ASAP1: variants seen among roughly 807,000 people sequenced by gnomAD.
The protein encoded by ASAP1 is arf-GAP with SH3 domain, ANK repeat and PH domain-containing protein 1.
In ASAP1, 43 loss-of-function variants were observed where a neutral mutation model predicts 145.2. The observed-to-expected ratio is 0.30, with a 90% CI of 0.23 to 0.38. ASAP1 has a LOEUF of 0.38. ASAP1 is among the 10% of genes least tolerant of loss of function. ASAP1 has a pLI of 1.00. For synonymous variants in ASAP1, 546 were observed against 515.5 expected (o/e 1.06, Z -0.80); for missense variants, 1,018 against 1,355.3 (o/e 0.75, Z 3.91).
At chr8:130,266,403 G>T (rs1450235533) in intron 3 of ASAP1, among the ~76,000 whole-genome samples, 3 of 152,068 alleles carry the variant, frequency 2.0e-5, no homozygotes, top group Admixed American at 6.5e-5. Context: ...TTGTAGGGGG[G>T]AGGGTTCTGT....
chr8:130,060,544 AG>A, intron 28 of ASAP1, 34 bp downstream of exon 28: 1 of 1,560,542 alleles, frequency 6.4e-7, no homozygotes, highest in African/African-American at 1.4e-5. Flanking sequence ...AGTGCGGAAT[AG>A]GGTTCCTAAG....
At chr8:130,193,144 G>A (rs1262385010) in intron 5 of ASAP1, among the ~76,000 whole-genome samples, 8 of 152,212 alleles carry the variant, frequency 5.3e-5, no homozygotes, top group Non-Finnish European at 8.8e-5. Flanking sequence ...CGAGGCGGGC[G>A]AATCACTTGA....
At chr8:130,089,937 T>C (rs1454780211) in intron 25 of ASAP1, among the ~76,000 whole-genome samples, 1 of 152,260 alleles carries the variant, frequency 6.6e-6, no homozygotes, top group Non-Finnish European at 1.5e-5. Context: ...GGACAGATGA[T>C]GATTTTTGTC....
chr8:130,392,672 G>C (rs1462917966), intron 2 of ASAP1, among the ~76,000 whole-genome samples: 3 of 152,106 alleles, frequency 2.0e-5, no homozygotes, highest in Non-Finnish European at 4.4e-5. Flanking sequence ...AGGTTTATTT[G>C]GCTCTTGGTT....
intron 2 of ASAP1, among the ~76,000 whole-genome samples, chr8:130,385,314 A>C (rs912657514): frequency 1.3e-5 from 2 of 152,188 alleles, no homozygotes; most frequent in Admixed American, 1.3e-4. Context: ...AAAATAAATA[A>C]ATAAATAAAA....
chr8:130,440,504 C>CA (rs1306930658), intron 1 of ASAP1, among the ~76,000 whole-genome samples: 3,820 of 111,582 alleles, frequency 0.034, 156 homozygotes, highest in African/African-American at 0.11. Flanking sequence ...TAGACTCTGT[C>CA]AAAAAAAAAA....
At chr8:130,135,922 C>G (rs1270015033) in intron 14 of ASAP1, among the ~76,000 whole-genome samples, 1 of 152,152 alleles carries the variant, frequency 6.6e-6, no homozygotes, top group Admixed American at 6.5e-5. Flanking sequence ...CCCTAAAGAG[C>G]CTCATGACTG....
intron 9 of ASAP1, among the ~76,000 whole-genome samples, chr8:130,172,391 T>C (rs1050845208): frequency 2.0e-5 from 3 of 152,168 alleles, no homozygotes; most frequent in Non-Finnish European, 4.4e-5. Context: ...AACTTATCCA[T>C]GTAACCAAAA....
At chr8:130,214,488 T>A in intron 5 of ASAP1, 68 bp downstream of exon 5, 2 of 1,385,950 alleles carry the variant, frequency 1.4e-6, no homozygotes, top group Non-Finnish European at 1.9e-6. Context: ...ATTATTGAAA[T>A]GTTCTCTATA....
intron 1 of ASAP1, chr8:130,427,700 T>C (rs1448950940): frequency 6.6e-6 from 1 of 152,222 alleles, no homozygotes; most frequent in African/African-American, 2.4e-5. Context: ...CTCTCTGTCA[T>C]ACCACACTAT....
chr8:130,231,841 C>A (rs1817925213), intron 4 of ASAP1, among the ~76,000 whole-genome samples: 1 of 152,214 alleles, frequency 6.6e-6, no homozygotes, highest in Non-Finnish European at 1.5e-5. Flanking sequence ...AAGCTCTTTT[C>A]TCAAGCCACA....
rs367650049 is a variant in ASAP1, at chr8:130,349,447, G to A, written c.186+8570C>T. The stretch of plus-strand genomic sequence containing the variant: ...GATAATAAGAACAATCATTTATAGA[G>A]CACTTAGCACACCAGGCACTGTTGT... On this transcript the variant is annotated intron_variant, in intron 3 of 29. Transcript: ENST00000518721. Among the ~76,000 whole-genome samples the A allele has an allele frequency of 7.9e-5, 12 of 152,292 alleles. No homozygotes were observed. In the East Asian group the frequency reaches 2.1e-3, roughly 27 times the overall value.
intron 15 of ASAP1, among the ~76,000 whole-genome samples, chr8:130,132,860 T>C (rs1464503743): frequency 6.6e-6 from 1 of 152,240 alleles, no homozygotes; most frequent in Non-Finnish European, 1.5e-5. Context: ...CCCACCTCTG[T>C]ATCTTTTCTA....
intron 1 of ASAP1, among the ~76,000 whole-genome samples, chr8:130,402,271 G>A (rs1828830312): frequency 6.6e-6 from 1 of 152,054 alleles, no homozygotes; most frequent in Non-Finnish European, 1.5e-5. Context: ...CTAGACCTAG[G>A]CTCCTAAACA....
intron 13 of ASAP1, among the ~76,000 whole-genome samples, chr8:130,138,654 T>C (rs1380843237): frequency 3.3e-5 from 5 of 151,986 alleles, no homozygotes; most frequent in Non-Finnish European, 7.4e-5. Context: ...CTGATCAACA[T>C]GGAGAAACCC....
intron 24 of ASAP1, among the ~76,000 whole-genome samples, chr8:130,109,389 T>C (rs2097543050): frequency 6.6e-6 from 1 of 152,120 alleles, no homozygotes; most frequent in African/African-American, 2.4e-5. Context: ...TGGAGTTTCT[T>C]GAAAATATTC....
intron 13 of ASAP1, among the ~76,000 whole-genome samples, chr8:130,147,611 G>C (rs1397940272): frequency 6.6e-6 from 1 of 152,212 alleles, no homozygotes; most frequent in East Asian, 1.9e-4. Context: ...CTCGTAACAT[G>C]GAAGACAGGT....
intron 1 of ASAP1, among the ~76,000 whole-genome samples, chr8:130,428,439 C>A (rs1159761336): frequency 9.0e-6 from 1 of 111,514 alleles, no homozygotes; most frequent in Non-Finnish European, 1.9e-5. Context: ...ATCATCACCA[C>A]CACCACCATC....
At chr8:130,308,861 G>C (rs1044498115) in intron 3 of ASAP1, among the ~76,000 whole-genome samples, 5 of 152,100 alleles carry the variant, frequency 3.3e-5, no homozygotes, top group African/African-American at 1.2e-4. Flanking sequence ...GGCCAACATG[G>C]TAAAACCTGG....
Sources: allele counts gnomAD v4.1 joint callset (sites outside exome capture counted in the v4.1 genomes callset), GRCh38; gene constraint gnomAD v4.1.1; transcripts MANE v1.5; gene names NCBI Gene and HGNC (gene_info 2026-07-23, HGNC 2026-07-21).